ZFP1: variants seen among roughly 807,000 people sequenced by gnomAD.
The protein encoded by ZFP1 is ZFP1 zinc finger protein.
In ZFP1, 32 loss-of-function variants were observed where a neutral mutation model predicts 38.5. The ratio of observed to expected loss-of-function variants is 0.83; its 90% CI spans 0.63 to 1.12. ZFP1 has a LOEUF of 1.12. ZFP1 is among the 50% of genes most tolerant of loss of function. ZFP1 has a pLI of 0.00. For missense variants in ZFP1, 616 were observed against 480.8 expected (o/e 1.28, Z -2.63); for synonymous variants, 245 against 168.8 (o/e 1.45, Z -3.50).
the ZFP1 span, among the ~76,000 whole-genome samples, chr16:75,131,521 C>A: frequency 6.6e-6 from 1 of 152,232 alleles, no homozygotes; most frequent in Admixed American, 6.5e-5. Context: ...CCTCGTTTTT[C>A]TTCCCATCAA....
At chr16:75,150,304 G>C (rs1410528006) in intron 1 of ZFP1, among the ~76,000 whole-genome samples, 3 of 147,882 alleles carry the variant, frequency 2.0e-5, no homozygotes, top group African/African-American at 7.5e-5. Context: ...CGCCTACCAG[G>C]TTCACACCAT....
chr16:75,169,178 G>C (rs570210929), intron 3 of ZFP1, 75 bp from the exon 4 acceptor site: 48 of 1,507,440 alleles, frequency 3.2e-5, no homozygotes, highest in Middle Eastern at 1.8e-4. Context: ...TAGAACACGT[G>C]TGAAGACTTC....
the ZFP1 span, among the ~76,000 whole-genome samples, chr16:75,129,631 C>T: frequency 2.4e-4 from 36 of 152,300 alleles, no homozygotes; most frequent in East Asian, 1.2e-3. Context: ...CCTCTCCAGA[C>T]AGAACCAATG....
intron 2 of ZFP1, among the ~76,000 whole-genome samples, chr16:75,154,863 T>C (rs1369109798): frequency 3.3e-5 from 5 of 152,114 alleles, no homozygotes; most frequent in Non-Finnish European, 5.9e-5. Context: ...AGTGGCGTGA[T>C]CTTGGCTCAG....
At chr16:75,125,551 T>C in the ZFP1 span, among the ~76,000 whole-genome samples, 10 of 152,046 alleles carry the variant, frequency 6.6e-5, no homozygotes, top group African/African-American at 2.4e-4. Flanking sequence ...CTTGAACACC[T>C]GACCTCAAGT....
At chr16:75,131,611 A>G in the ZFP1 span, among the ~76,000 whole-genome samples, 1,628 of 152,208 alleles carry the variant, frequency 0.011, 19 homozygotes, top group South Asian at 0.029. Flanking sequence ...CACCCCTGCC[A>G]TATTTGAATG....
chr16:75,159,324 TC>T (rs2037637895), intron 2 of ZFP1, among the ~76,000 whole-genome samples: 1 of 3,928 alleles, frequency 2.5e-4, no homozygotes, highest in Non-Finnish European at 1.0e-3. Context: ...TTCCCTCCTT[TC>T]CCTCCCTCCC....
chr16:75,166,799 G>C lies in ZFP1; in HGVS notation c.45G>C (p.Val15=). ...QGSVSFTDVT[V]DFTQEEWEQL... ...CAGTTTCATTCACGGATGTGACTGT[G>C]GACTTTACCCAGGAGGAATGGGAAC... The change falls in exon 3 of 4, where the codon GTG becomes GTC. Residue 15 remains valine, a synonymous_variant. Coordinates refer to ENST00000570010, the MANE Select transcript of ZFP1 (RefSeq NM_153688.4). 6.2e-7 allele frequency: 1 copy of C among 1,614,124 alleles called. No individual in the cohort carries two copies. Among genetic ancestry groups the C allele is most frequent in the South Asian group, 1.1e-5 (1 of 91,078 alleles).
rs1488191044 is a variant in ZFP1 at position 75,149,942 on chromosome 16, A to G, written c.-44+1299A>G. On this transcript the variant is annotated intron_variant, in intron 1 of 3. Transcript: ENST00000570010. Reference sequence around the variant, plus strand: ...TGGGATTACAGGCACCCGCCACTACACCTGGCTGATTTTTGTATTTTTAGT... The same window carrying G: ...TGGGATTACAGGCACCCGCCACTACGCCTGGCTGATTTTTGTATTTTTAGT... Among the ~76,000 whole-genome samples, 8 of 151,870 alleles carry G rather than the reference A, an allele frequency of 5.3e-5. No homozygotes were observed. In the East Asian group the frequency reaches 1.5e-3, roughly 29 times the overall value.
At chr16:75,120,198 A>G in the ZFP1 span, among the ~76,000 whole-genome samples, 1 of 152,132 alleles carries the variant, frequency 6.6e-6, no homozygotes, top group South Asian at 2.1e-4. Flanking sequence ...AAAGGACTTC[A>G]TGTTTTTGTT....
chr16:75,120,102 C>G, the ZFP1 span, among the ~76,000 whole-genome samples: 1 of 152,058 alleles, frequency 6.6e-6, no homozygotes, highest in African/African-American at 2.4e-5. Context: ...TAAAAGTCAG[C>G]TTAATTAAAA....
At chr16:75,138,909 G>A in the ZFP1 span, among the ~76,000 whole-genome samples, 1 of 152,166 alleles carries the variant, frequency 6.6e-6, no homozygotes, top group Admixed American at 6.5e-5. Flanking sequence ...GACAGCTCTA[G>A]GAAATTAATG....
the ZFP1 span, among the ~76,000 whole-genome samples, chr16:75,123,453 A>ATG: frequency 8.2e-4 from 88 of 107,336 alleles, no homozygotes; most frequent in Admixed American, 1.5e-3. Flanking sequence ...GTGTGTGTAT[A>ATG]TGTATATATA....
chr16:75,123,848 T>G, the ZFP1 span, among the ~76,000 whole-genome samples: 9 of 151,456 alleles, frequency 5.9e-5, no homozygotes, highest in South Asian at 2.1e-4. Flanking sequence ...TCCCAGCACT[T>G]TAGGAGGCCA....
the ZFP1 span, among the ~76,000 whole-genome samples, chr16:75,138,787 T>TCAG: frequency 6.6e-6 from 1 of 152,228 alleles, no homozygotes. Context: ...CCTGCGGCTT[T>TCAG]CAGCAGCAGC....
At chr16:75,123,595 A>C in the ZFP1 span, among the ~76,000 whole-genome samples, 1 of 148,504 alleles carries the variant, frequency 6.7e-6, no homozygotes, top group African/African-American at 2.5e-5. Context: ...CTCCTGCCTC[A>C]GCCTCCCAAG....
chr16:75,137,461 C>CTTTT, the ZFP1 span, among the ~76,000 whole-genome samples: 38,650 of 89,258 alleles, frequency 0.43, 10,641 homozygotes, highest in South Asian at 0.6. Flanking sequence ...AAAAAAAATT[C>CTTTT]TTTTTTTTTT....
At chr16:75,137,068 G>A in the ZFP1 span, among the ~76,000 whole-genome samples, 4 of 152,060 alleles carry the variant, frequency 2.6e-5, no homozygotes, top group Admixed American at 2.0e-4. Context: ...GGAACCAGGG[G>A]CCCTTGGAGA....
At chr16:75,124,802 A>AAG in the ZFP1 span, among the ~76,000 whole-genome samples, 727 of 135,802 alleles carry the variant, frequency 5.4e-3, 22 homozygotes, top group Non-Finnish European at 8.3e-3. Flanking sequence ...AAAAAAAAAA[A>AAG]GCAAGGTAAA....
Sources: allele counts gnomAD v4.1 joint callset (sites outside exome capture counted in the v4.1 genomes callset), GRCh38; gene constraint gnomAD v4.1.1; transcripts MANE v1.5; gene names NCBI Gene and HGNC (gene_info 2026-07-23, HGNC 2026-07-21).